DIDO1: variants seen among roughly 807,000 people sequenced by gnomAD.
DIDO1 encodes death inducer-obliterator 1.
In DIDO1, 16 loss-of-function variants were observed where a neutral mutation model predicts 99.4. The observed-to-expected ratio is 0.16, with a 90% CI of 0.11 to 0.24. DIDO1 has a LOEUF of 0.24. Ranked by LOEUF, DIDO1 falls within the 10% of genes least tolerant of loss-of-function variation. The probability of loss-of-function intolerance (pLI) is 1.00; values close to 1 mark genes in which losing one functional copy is unlikely to be tolerated. For synonymous variants in DIDO1, 1,366 were observed against 1,239.1 expected, an observed-to-expected ratio of 1.10 and a Z score of -2.15; for missense variants, 2,996 against 3,014.0, an observed-to-expected ratio of 0.99 and a Z score of 0.14.
chr20:62,881,720 C>T lies in DIDO1; in HGVS notation c.4236G>A (p.Arg1412=), dbSNP rs1336622141. The change falls in exon 16 of 16, where the codon AGG becomes AGA. Residue 1412 remains arginine (R), a synonymous_variant. Transcript: ENST00000395343. This position sits in a 1 kb window ranked among gnomAD's most constrained non-coding sequence, Gnocchi z 8.3. ...VERGRRHEVE[R]APEAAAAERE... is the part of the protein sequence containing the mutation. The stretch of plus-strand genomic sequence containing the variant: ...GCTCGGCTGCAGCTGCTTCAGGAGC[C>T]CTTTCCACCTCGTGGCGCCGCCCTC... 23 of 1,612,848 alleles carry T rather than the reference C, an allele frequency of 1.4e-5. No individual in the cohort carries two copies. The highest frequency in any genetic ancestry group is 1.9e-5 in the Non-Finnish European group (22 of 1,180,036).
Position 62,879,644 on chromosome 20 carries a change from G to A in DIDO1, c.6312C>T (p.Asp2104=), listed in dbSNP as rs1309450747. The change falls in exon 16 of 16, where the codon GAC becomes GAT. Residue 2104 remains aspartate, a synonymous_variant. Coordinates refer to ENST00000395343, the MANE Select transcript of DIDO1 (RefSeq NM_001193369.2). This position sits in a 1 kb window ranked among gnomAD's most constrained non-coding sequence, Gnocchi z 6.3. Reference sequence around the variant, plus strand: ...TGTCCTCGGACGCCCGGCCCTGGGCGTCGGGCTCCTCCAGCGGCTTCTCTT... The same window carrying A: ...TGTCCTCGGACGCCCGGCCCTGGGCATCGGGCTCCTCCAGCGGCTTCTCTT... ...GPKEKPLEEP[D]AQGRASEDRR... The A allele has an allele frequency of 1.9e-6, 3 of 1,606,946 alleles. No individual in the cohort carries two copies. The highest frequency in any genetic ancestry group is 1.7e-5 in the Admixed American group (1 of 60,022).
chr20:62,928,531 C>G (rs1294025070), upstream of DIDO1: 3 of 152,100 alleles, frequency 2.0e-5, no homozygotes, highest in Non-Finnish European at 4.4e-5. Flanking sequence ...CCTGCCGTCA[C>G]TATTCCTGGG....
chr20:62,924,734 G>A (rs1248612950), intron 1 of DIDO1, among the ~76,000 whole-genome samples: 2 of 152,140 alleles, frequency 1.3e-5, no homozygotes, highest in East Asian at 3.8e-4. Context: ...ACATGGGCTG[G>A]GCTGTCTGGT....
At chr20:62,925,852 G>A (rs1295007020) in intron 1 of DIDO1, among the ~76,000 whole-genome samples, 4 of 152,198 alleles carry the variant, frequency 2.6e-5, no homozygotes, top group Admixed American at 6.5e-5. Context: ...CCAGCGCGGG[G>A]AGGTAAGGAC....
intron 1 of DIDO1, among the ~76,000 whole-genome samples, chr20:62,914,854 TTAA>T (rs1425652616): frequency 6.6e-6 from 1 of 152,268 alleles, no homozygotes; most frequent in South Asian, 2.1e-4. Context: ...TTGAAAATTC[TTAA>T]TAATGTATCT....
intron 1 of DIDO1, among the ~76,000 whole-genome samples, chr20:62,920,517 T>C (rs1269163318): frequency 6.6e-6 from 1 of 152,204 alleles, no homozygotes; most frequent in African/African-American, 2.4e-5. Flanking sequence ...AAGCACATGG[T>C]TGAGCCACTA....
upstream of DIDO1, among the ~76,000 whole-genome samples, chr20:62,929,492 G>T (rs2065302743): frequency 6.6e-6 from 1 of 151,970 alleles, no homozygotes; most frequent in African/African-American, 2.4e-5. Flanking sequence ...CGGGCGGCCG[G>T]AACATAGTTC....
At chr20:62,907,936 G>C (rs1191547435) in intron 4 of DIDO1, among the ~76,000 whole-genome samples, 1 of 152,164 alleles carries the variant, frequency 6.6e-6, no homozygotes, top group Non-Finnish European at 1.5e-5. Flanking sequence ...GATAAACAAT[G>C]AGTAATTTTT....
Position 62,896,404 on chromosome 20 carries a change from A to T in DIDO1, c.2055-12T>A, listed in dbSNP as rs200599743. On this transcript the variant is annotated splice_polypyrimidine_tract_variant and intron_variant, in intron 7 of 15. Transcript: ENST00000395343. This position sits in a 1 kb window ranked among gnomAD's most constrained non-coding sequence, Gnocchi z 4.4. ...CGCTGTCATTGACTCTGAACAGAAT[A>T]AAAAAAAGGAACTACATAAGACACT... 1.2e-3 allele frequency: 1,973 copies of T among 1,601,202 alleles called. No individual in the cohort carries two copies. Among genetic ancestry groups the T allele is most frequent in the Non-Finnish European group, 1.5e-3 (1,775 of 1,176,252 alleles).
rs757848179 is a variant in DIDO1 at position 62,893,832 on chromosome 20, C to T, written c.2935G>A (p.Val979Met). The change falls in exon 12 of 16, where the codon GTG (valine) becomes ATG (methionine). Residue 979 changes from valine (V) to methionine (M), a missense_variant. This residue lies in a region of DIDO1 where 898 missense variants were observed against 972.7 expected (regional missense o/e 0.92). Transcript: ENST00000395343. ...TCTGGGCGGGATGCTGCGGAGGCCACGGCTGTGCATGAACTGCTTGGAGCG... is the reference window on the plus strand; with the variant it reads ...TCTGGGCGGGATGCTGCGGAGGCCATGGCTGTGCATGAACTGCTTGGAGCG... ...RTAPSSSCTA[V>M]ASAASRPDST... The T allele has an allele frequency of 8.1e-6, 13 of 1,614,028 alleles. No individual in the cohort carries two copies. Among genetic ancestry groups the T allele is most frequent in the Middle Eastern group, 1.6e-4 (1 of 6,062 alleles).
At chr20:62,929,695 G>GTATATATATATATATATA (rs71195479), upstream of DIDO1, among the ~76,000 whole-genome samples, 44 of 97,942 alleles carry the variant, frequency 4.5e-4, 2 homozygotes, top group African/African-American at 1.9e-3. Context: ...AAGAAAAAGT[G>GTATATATATATATATATA]TATATATATA....
intron 6 of DIDO1, among the ~76,000 whole-genome samples, chr20:62,901,071 G>T (rs1019690245): frequency 1.3e-5 from 2 of 152,230 alleles, no homozygotes; most frequent in African/African-American, 4.8e-5. Context: ...CAACATGCTA[G>T]AATGTGTTCA....
intron 6 of DIDO1, chr20:62,905,612 A>G: frequency 6.4e-7 from 1 of 1,552,484 alleles, no homozygotes. Context: ...CTGAGAGTGA[A>G]AACAGAGATT....
intron 15 of DIDO1, chr20:62,888,067 A>G: frequency 1.0e-6 from 1 of 985,550 alleles, no homozygotes; most frequent in Non-Finnish European, 1.2e-6. Flanking sequence ...ACTGCCCGAC[A>G]AGGGCCAAGT....
At chr20:62,925,447 C>T (rs1006783179) in intron 1 of DIDO1, among the ~76,000 whole-genome samples, 2 of 152,194 alleles carry the variant, frequency 1.3e-5, no homozygotes, top group Admixed American at 1.3e-4. Context: ...AAAAGACGTT[C>T]CCATCTGCCT....
rs35875353 is a variant in DIDO1, at chr20:62,923,185, A to AT, written c.-200+3253dup. ...CAGCATGCTTGGCCTAATTATTATTATTTTTTTTTTGAGACAGAGTCTCAC... is the reference window on the plus strand; with the variant it reads ...CAGCATGCTTGGCCTAATTATTATTATTTTTTTTTTTGAGACAGAGTCTCAC... On this transcript the variant is annotated intron_variant, in intron 1 of 15. Coordinates refer to ENST00000395343, the MANE Select transcript of DIDO1 (RefSeq NM_001193369.2). Among the ~76,000 whole-genome samples, 60 of 149,066 alleles carry AT rather than the reference A, an allele frequency of 4.0e-4. 1 individual carries two copies. The South Asian group carries it at 7.1e-3, about 18-fold the overall frequency.
chr20:62,916,757 T>A (rs535535360), intron 1 of DIDO1, among the ~76,000 whole-genome samples: 1 of 152,218 alleles, frequency 6.6e-6, no homozygotes, highest in Admixed American at 6.5e-5. Flanking sequence ...GTCTTTAGAA[T>A]GGAGTATTGT....
At chr20:62,928,316 G>C (rs538028763), upstream of DIDO1, among the ~76,000 whole-genome samples, 6 of 152,268 alleles carry the variant, frequency 3.9e-5, no homozygotes, top group African/African-American at 1.4e-4. Context: ...ATGAGGAAAG[G>C]GAACCCTCAC....
chr20:62,926,510 C>T (rs1601044582), upstream of DIDO1: 1 of 151,962 alleles, frequency 6.6e-6, no homozygotes, highest in East Asian at 2.0e-4. Flanking sequence ...CGAGATGGCG[C>T]GGGGCTAGAG....
Sources: gnomAD v4.1 joint callset for allele counts (sites outside exome capture counted in the v4.1 genomes callset) on GRCh38, gnomAD v4.1.1 for gene constraint, gnomAD v4.1.1 regional missense constraint, Gnocchi (gnomAD v3.1) non-coding constraint, MANE v1.5 for transcripts, NCBI Gene and HGNC (gene_info 2026-07-23, HGNC 2026-07-21) for gene names.